The following POP1 variants were observed in gnomAD, a reference collection of about 807,000 sequenced individuals.
POP1 encodes ribonucleases P/MRP protein subunit POP1.
Under a neutral mutation model 102.2 loss-of-function variants are expected in POP1, and 75 were observed. The ratio of observed to expected loss-of-function variants is 0.73; its 90% CI spans 0.61 to 0.89. The LOEUF is 0.89. Ranked by LOEUF, POP1 falls within the 40% of genes least tolerant of loss-of-function variation. The pLI, the probability that POP1 is intolerant of heterozygous loss-of-function variation, is 0.00. For synonymous variants in POP1, 436 were observed against 464.1 expected, an observed-to-expected ratio of 0.94 and a Z score of 0.78; for missense variants, 1,116 against 1,267.4, an observed-to-expected ratio of 0.88 and a Z score of 1.81.
intron 10 of POP1, 68 bp downstream of exon 10, chr8:98,140,257 C>G: frequency 8.1e-7 from 1 of 1,240,656 alleles, no homozygotes; most frequent in Non-Finnish European, 1.2e-6. Context: ...TGCAGTTGGG[C>G]CTCCAACATG....
intron 7 of POP1, 81 bp from the exon 8 acceptor site, chr8:98,136,401 T>TAAA: frequency 1.8e-6 from 2 of 1,107,430 alleles, no homozygotes; most frequent in Non-Finnish European, 2.4e-6. Context: ...TAAAGAGATT[T>TAAA]AAAAAAAAAA....
At chr8:98,143,075 T>C (rs1320807566) in intron 11 of POP1, among the ~76,000 whole-genome samples, 1 of 152,214 alleles carries the variant, frequency 6.6e-6, no homozygotes, top group Non-Finnish European at 1.5e-5. Flanking sequence ...TTAAATACAT[T>C]TAAGAAAGGA....
Position 98,145,823 on chromosome 8 carries a change from A to C in POP1, c.1595-745A>C, listed in dbSNP as rs549172401. Among the ~76,000 whole-genome samples, 7 of 152,106 alleles carry C rather than the reference A, an allele frequency of 4.6e-5. No individual in the cohort carries two copies. In the East Asian group the frequency reaches 1.4e-3, roughly 29 times the overall value. ...TGGGAGGCTGAGGCAGGAGAATTAC[A>C]TGAACCTGGGAGGCGAAGGTTGCAG... On this transcript the variant is annotated intron_variant, in intron 11 of 15. Transcript: ENST00000401707.
At chr8:98,149,130 C>T in intron 13 of POP1, 124 bp downstream of exon 13, 1 of 939,940 alleles carries the variant, frequency 1.1e-6, no homozygotes. Flanking sequence ...TATTTCTGCC[C>T]TTAGAGCTAT....
intron 11 of POP1, among the ~76,000 whole-genome samples, chr8:98,145,558 G>GTACTT (rs1563781483): frequency 8.5e-5 from 13 of 152,072 alleles, no homozygotes; most frequent in Non-Finnish European, 1.9e-4. Context: ...TTCTAGCACG[G>GTACTT]TACAGCTTAT....
chr8:98,153,254 G>A (rs557463498), intron 14 of POP1, among the ~76,000 whole-genome samples: 19 of 152,330 alleles, frequency 1.2e-4, no homozygotes, highest in African/African-American at 4.3e-4. Flanking sequence ...ACAGGAATGA[G>A]CCACTATACC....
intron 14 of POP1, among the ~76,000 whole-genome samples, chr8:98,151,079 G>C (rs1809501067): frequency 6.6e-6 from 1 of 151,504 alleles, no homozygotes; most frequent in African/African-American, 2.4e-5. Flanking sequence ...AGAGAGATAA[G>C]TACTGTTTGT....
At chr8:98,149,755 CAAAATAAATAAATAAAT>C (rs1338914955) in intron 13 of POP1, among the ~76,000 whole-genome samples, 1 of 150,250 alleles carries the variant, frequency 6.7e-6, no homozygotes, top group Non-Finnish European at 1.5e-5. Context: ...GACTCTGTCT[CAAAATAAATAAATAAAT>C]AAAATAAATA....
At position 98,146,590 on chromosome 8, in the gene POP1, G is replaced by C; in HGVS notation, c.1617G>C (p.Leu539=). 6.2e-7 allele frequency: 1 copy of C among 1,613,878 alleles called. No individual in the cohort carries two copies. The highest frequency in any genetic ancestry group is 8.5e-7 in the Non-Finnish European group (1 of 1,179,780). Residue 539 remains leucine (L), a synonymous_variant, in exon 12 of 16, where the codon CTG becomes CTC. Coordinates refer to ENST00000401707, the MANE Select transcript of POP1 (RefSeq NM_001145860.2). ...KCQDNEKVRQ[L]LLEGVPVECT... ...TAGATAATGAGAAAGTTAGACAGCT[G>C]CTTCTGGAGGGTGTGCCTGTGGAAT... is the stretch of plus-strand genomic sequence containing the variant.
At position 98,157,612 on chromosome 8, in the gene POP1, T is replaced by G; in HGVS notation, c.2421-5T>G. ...CCTCAAACGTATGTCTCCAACTTCA[T>G]GTAGGAGTAGAAAATTACTGAAGCA... On this transcript the variant is annotated splice_region_variant and splice_polypyrimidine_tract_variant and intron_variant, in intron 15 of 15. Transcript: ENST00000401707. 1 of 1,613,988 alleles carries G rather than the reference T, an allele frequency of 6.2e-7. No homozygotes were observed. Among genetic ancestry groups the G allele is most frequent in the Non-Finnish European group, 8.5e-7 (1 of 1,179,854 alleles).
Position 98,158,101 on chromosome 8 carries a change from CAG to C in POP1, c.2906_2907del (p.Gln969ArgfsTer17), listed in dbSNP as rs767061854. On this transcript the variant is annotated frameshift_variant, in exon 16 of 16. Transcript: ENST00000401707. LOFTEE classifies it high-confidence loss of function. ...CSRTLLGFVT[Q>X]GDFSMAVGCG... ...CAGAACTCTCCTAGGCTTTGTGACTCAGGGAGATTTTTCCATGGCTGTTGGCT... is the reference window on the plus strand; with the variant it reads ...CAGAACTCTCCTAGGCTTTGTGACTCGGAGATTTTTCCATGGCTGTTGGCT... The C allele has an allele frequency of 8.3e-5, 133 of 1,605,212 alleles. No homozygotes were observed. Among genetic ancestry groups the C allele is most frequent in the Non-Finnish European group, 1.1e-4 (124 of 1,176,376 alleles).
intron 1 of POP1, among the ~76,000 whole-genome samples, chr8:98,121,918 C>G (rs1435044971): frequency 6.6e-6 from 1 of 152,112 alleles, no homozygotes; most frequent in African/African-American, 2.4e-5. Flanking sequence ...ATCTCCTGAC[C>G]TCATGATCCG....
At position 98,156,593 on chromosome 8, in the gene POP1, T is replaced by C. The variant is rs75235928; in HGVS notation, c.2420+181T>C. On this transcript the variant is annotated intron_variant, in intron 15 of 15. Transcript: ENST00000401707. ...GGCTCAGGGAAACAGCTTAATAATA[T>C]TTGATGTAAGGCATGATGCTAATTG... 0.078 allele frequency among the ~76,000 whole-genome samples: 11,848 copies of C among 152,238 alleles called. 702 individuals carry two copies. The highest frequency in any genetic ancestry group is 0.2 in the Middle Eastern group (58 of 294).
chr8:98,136,785 A>G, intron 8 of POP1, 47 bp downstream of exon 8: 3 of 1,610,168 alleles, frequency 1.9e-6, no homozygotes, highest in Non-Finnish European at 2.6e-6. Context: ...TTCAGTGAAG[A>G]CCTGCTCCAT....
At chr8:98,146,725 C>T in intron 12 of POP1, 42 bp downstream of exon 12, 1 of 1,341,324 alleles carries the variant, frequency 7.5e-7, no homozygotes, top group Non-Finnish European at 1.1e-6. Flanking sequence ...TCATGAATGA[C>T]AGGTTAAATA....
intron 13 of POP1, 90 bp downstream of exon 13, chr8:98,149,096 C>G: frequency 7.9e-7 from 1 of 1,271,638 alleles, no homozygotes; most frequent in Non-Finnish European, 1.1e-6. Context: ...ACTTTATGTA[C>G]AACTTAGGAG....
At position 98,158,987 on chromosome 8, in the gene POP1, T is replaced by G. The variant is rs946667850; in HGVS notation, c.*716T>G. On this transcript the variant is annotated 3_prime_UTR_variant, in exon 16 of 16. Coordinates refer to ENST00000401707, the MANE Select transcript of POP1 (RefSeq NM_001145860.2). The stretch of plus-strand genomic sequence containing the variant: ...ATTATTATTTTGTTTCTGCAAAGAT[T>G]TTCTCAAAGCCATAGAGGAGCATTT... 6.6e-6 allele frequency: 1 copy of G among 152,198 alleles called. No individual in the cohort carries two copies. Among genetic ancestry groups the G allele is most frequent in the Admixed American group, 6.5e-5 (1 of 15,276 alleles). 9.4% of individuals were successfully genotyped at this position (152,198 alleles called of 1,614,324 possible).
chr8:98,123,514 C>T, intron 2 of POP1, 35 bp downstream of exon 2: 1 of 1,601,384 alleles, frequency 6.2e-7, no homozygotes, highest in East Asian at 2.2e-5. Context: ...CATGGTGGCT[C>T]ACGCCTGTAA....
chr8:98,122,326 T>C (rs1427492403), intron 1 of POP1, among the ~76,000 whole-genome samples: 1 of 152,176 alleles, frequency 6.6e-6, no homozygotes, highest in Non-Finnish European at 1.5e-5. Flanking sequence ...TGCTTTGCCT[T>C]TGTAGCTGTT....
Sources: gnomAD v4.1 joint callset for allele counts (sites outside exome capture counted in the v4.1 genomes callset) on GRCh38, gnomAD v4.1.1 for gene constraint, MANE v1.5 for transcripts, NCBI Gene and HGNC (gene_info 2026-07-23, HGNC 2026-07-21) for gene names.